TXNRD2: variants seen among roughly 807,000 people sequenced by gnomAD.
TXNRD2 encodes thioredoxin reductase 2, also known as thioredoxin reductase 2, mitochondrial.
A neutral mutation model predicts 70.8 loss-of-function variants in TXNRD2; 67 were observed. That is an observed-to-expected ratio of 0.95 (90% CI 0.78 to 1.16). The LOEUF (loss-of-function observed/expected upper bound fraction) is 1.16, where lower values mean the gene tolerates loss of function less well. Ranked by LOEUF, TXNRD2 falls within the 50% of genes most tolerant of loss-of-function variation. The probability of loss-of-function intolerance (pLI) is 0.00; values close to 1 mark genes in which losing one functional copy is unlikely to be tolerated. For synonymous variants in TXNRD2, 301 were observed against 295.8 expected (o/e 1.02, Z -0.18); for missense variants, 644 against 719.9 (o/e 0.89, Z 1.21).
Position 19,895,266 on chromosome 22 carries a change from C to T in TXNRD2, c.949+141G>A, listed in dbSNP as rs1418275005. 22 of 1,594,126 alleles carry T rather than the reference C, an allele frequency of 1.4e-5. No homozygotes were observed. The South Asian group carries it at 1.7e-4, about 12-fold the overall frequency. The stretch of plus-strand genomic sequence containing the variant: ...CCCCACAGGCCTTCACGGTTGCTCT[C>T]GAGGTGCACTGGGGAGCGGCCAACC... On this transcript the variant is annotated intron_variant, in intron 11 of 17. Coordinates refer to ENST00000400521, the MANE Select transcript of TXNRD2 (RefSeq NM_006440.5).
At chr22:19,904,050 G>T (rs1189364623) in intron 8 of TXNRD2, among the ~76,000 whole-genome samples, 1 of 152,230 alleles carries the variant, frequency 6.6e-6, no homozygotes, top group Non-Finnish European at 1.5e-5. Flanking sequence ...GCATCTGCAT[G>T]GCAGAGGCGG....
rs545734814 is a variant in TXNRD2 at position 19,941,662 on chromosome 22, G to T, written c.103+39C>A. 1.1e-3 allele frequency: 1,542 copies of T among 1,435,390 alleles called. 3 individuals carry two copies. The highest frequency in any genetic ancestry group is 1.4e-3 in the Admixed American group (47 of 34,756). 88.9% of individuals were successfully genotyped at this position (1,435,390 alleles called of 1,614,324 possible). On this transcript the variant is annotated intron_variant, in intron 1 of 17. Transcript: ENST00000400521. ...ACCCTCACGAGGACACCCCGGCCGC[G>T]CGGACACCTACCGCGGGGACGCCCC...
In TXNRD2 at chr22:19,898,980, G is replaced by A. The variant is rs559605720; in HGVS notation, c.682+69C>T. 143 of 1,589,714 alleles carry A rather than the reference G, an allele frequency of 9.0e-5. No individual in the cohort carries two copies. The East Asian group carries it at 1.1e-3, about 12-fold the overall frequency. On this transcript the variant is annotated intron_variant, in intron 9 of 17. Coordinates refer to ENST00000400521, the MANE Select transcript of TXNRD2 (RefSeq NM_006440.5). ...AAAGAGCCTGCCGGAAGGGCGGGTGGCAGGGAGGGACTCAAGGGAAGGAGT... is the reference window on the plus strand; with the variant it reads ...AAAGAGCCTGCCGGAAGGGCGGGTGACAGGGAGGGACTCAAGGGAAGGAGT...
rs770945312 is a variant in TXNRD2 at position 19,918,979 on chromosome 22, G to A, written c.255C>T (p.Thr85=). 1 of 1,611,726 alleles carries A rather than the reference G, an allele frequency of 6.2e-7. No homozygotes were observed. Among genetic ancestry groups the A allele is most frequent in the Non-Finnish European group, 8.5e-7 (1 of 1,179,870 alleles). The change falls in exon 4 of 18, where the codon ACC becomes ACT. Residue 85 remains threonine, a synonymous_variant. Coordinates refer to ENST00000400521, the MANE Select transcript of TXNRD2 (RefSeq NM_006440.5). The part of the protein sequence containing the change: ...PQGTRWGLGG[T]CVNVGCIPKK... Reference sequence around the variant, plus strand: ...TGGGGATGCAGCCCACGTTGACGCAGGTGCCGCCGAGGCCCCACCGGGTGC... The same window carrying A: ...TGGGGATGCAGCCCACGTTGACGCAAGTGCCGCCGAGGCCCCACCGGGTGC...
intron 8 of TXNRD2, among the ~76,000 whole-genome samples, chr22:19,901,472 G>A (rs1569085811): frequency 6.6e-6 from 1 of 152,232 alleles, no homozygotes; most frequent in Non-Finnish European, 1.5e-5. Flanking sequence ...TCTCGCTCGT[G>A]TGGAGGGTCA....
intron 8 of TXNRD2, among the ~76,000 whole-genome samples, chr22:19,905,384 C>A (rs1939963130): frequency 6.6e-6 from 1 of 151,978 alleles, no homozygotes; most frequent in Non-Finnish European, 1.5e-5. Flanking sequence ...CTTTTCTGAA[C>A]AAAATATCTG....
At chr22:19,938,483 G>C (rs1001956573) in intron 1 of TXNRD2, among the ~76,000 whole-genome samples, 1 of 152,174 alleles carries the variant, frequency 6.6e-6, no homozygotes, top group African/African-American at 2.4e-5. Context: ...GGGCCTAGTT[G>C]ATACTGGGGC....
intron 11 of TXNRD2, among the ~76,000 whole-genome samples, chr22:19,891,284 G>T (rs1238657917): frequency 6.6e-6 from 1 of 152,214 alleles, no homozygotes; most frequent in Non-Finnish European, 1.5e-5. Context: ...CACAACAGCT[G>T]CCTGGCTGTG....
At position 19,918,985 on chromosome 22, in the gene TXNRD2, G is replaced by T. The variant is rs375701461; in HGVS notation, c.249C>A (p.Gly83=). The change falls in exon 4 of 18, where the codon GGC becomes GGA. Residue 83 remains glycine (G), a synonymous_variant. Transcript: ENST00000400521. ...TGCAGCCCACGTTGACGCAGGTGCCGCCGAGGCCCCACCGGGTGCCTGGGA... is the reference window on the plus strand; with the variant it reads ...TGCAGCCCACGTTGACGCAGGTGCCTCCGAGGCCCCACCGGGTGCCTGGGA... ...PSPQGTRWGL[G]GTCVNVGCIP... 1.2e-6 allele frequency: 2 copies of T among 1,611,114 alleles called. No homozygotes were observed. Among genetic ancestry groups the T allele is most frequent in the South Asian group, 1.1e-5 (1 of 91,036 alleles).
chr22:19,895,330 G>A, intron 11 of TXNRD2, 77 bp downstream of exon 11: 11 of 1,606,370 alleles, frequency 6.8e-6, no homozygotes, highest in Non-Finnish European at 9.4e-6. Context: ...CCTGGGAGGT[G>A]ACAGGAAGTG....
At chr22:19,887,112 C>T (rs1601396453) in intron 11 of TXNRD2, among the ~76,000 whole-genome samples, 1 of 152,340 alleles carries the variant, frequency 6.6e-6, no homozygotes, top group South Asian at 2.1e-4. Context: ...TGTATTTCCT[C>T]TTTTGTAAAT....
intron 8 of TXNRD2, among the ~76,000 whole-genome samples, chr22:19,909,821 AC>A (rs1940289103): frequency 4.0e-5 from 2 of 50,550 alleles, no homozygotes; most frequent in African/African-American, 8.8e-5. Flanking sequence ...TCACACACAC[AC>A]CACACACCAC....
chr22:19,929,642 C>T (rs1941283710), intron 2 of TXNRD2, among the ~76,000 whole-genome samples: 1 of 152,108 alleles, frequency 6.6e-6, no homozygotes, highest in Non-Finnish European at 1.5e-5. Flanking sequence ...TCAGCCCTGC[C>T]CGCACCTGGA....
At chr22:19,935,009 T>C (rs531979500) in intron 1 of TXNRD2, among the ~76,000 whole-genome samples, 5 of 152,284 alleles carry the variant, frequency 3.3e-5, no homozygotes, top group East Asian at 1.9e-4. Context: ...GTTTGAACAA[T>C]ATGAAATCAG....
intron 1 of TXNRD2, among the ~76,000 whole-genome samples, chr22:19,938,947 A>G (rs551284879): frequency 4.0e-4 from 61 of 152,306 alleles, no homozygotes; most frequent in Middle Eastern, 3.4e-3. Context: ...CAATACTCTG[A>G]CTGCAGCTAA....
rs1019705231 is a variant in TXNRD2, at chr22:19,886,770, G to A, written c.950-3309C>T. 2.0e-5 allele frequency among the ~76,000 whole-genome samples: 3 copies of A among 152,378 alleles called. No homozygotes were observed. The South Asian group carries it at 6.2e-4, about 32-fold the overall frequency. ...TGCTCCCTGCAGCTCCGTCCTCGAA[G>A]CCTTGGCTCTGGAGTGCCCAGTGCA... On this transcript the variant is annotated intron_variant, in intron 11 of 17. Transcript: ENST00000400521.
intron 2 of TXNRD2, among the ~76,000 whole-genome samples, chr22:19,921,094 G>A (rs1253472041): frequency 1.1e-3 from 147 of 128,002 alleles, no homozygotes; most frequent in African/African-American, 4.8e-3. Flanking sequence ...GTGACAGAGC[G>A]AGACTCTGTC....
At chr22:19,891,948 C>T (rs1195032043) in intron 11 of TXNRD2, among the ~76,000 whole-genome samples, 7 of 152,274 alleles carry the variant, frequency 4.6e-5, no homozygotes, top group African/African-American at 1.2e-4. Flanking sequence ...CCATGGTCCT[C>T]GCCAGCTGCG....
intron 8 of TXNRD2, among the ~76,000 whole-genome samples, chr22:19,903,450 T>A (rs1939868575): frequency 6.6e-6 from 1 of 152,220 alleles, no homozygotes; most frequent in Admixed American, 6.5e-5. Context: ...TTAGGGCACC[T>A]GAGCTCCAAA....
Sources: gnomAD v4.1 joint callset for allele counts (sites outside exome capture counted in the v4.1 genomes callset) on GRCh38, gnomAD v4.1.1 for gene constraint, MANE v1.5 for transcripts, NCBI Gene and HGNC (gene_info 2026-07-23, HGNC 2026-07-21) for gene names.